Variants in CACNA2D3 observed in about 807,000 individuals in gnomAD.
The protein encoded by CACNA2D3 is voltage-dependent calcium channel subunit alpha-2/delta-3.
A neutral mutation model predicts 160.6 loss-of-function variants in CACNA2D3; 60 were observed. The ratio of observed to expected loss-of-function variants is 0.37; its 90% CI spans 0.30 to 0.46. The LOEUF is 0.46. Ranked by LOEUF, CACNA2D3 falls within the 20% of genes least tolerant of loss-of-function variation. CACNA2D3 has a pLI of 1.00. For missense variants in CACNA2D3, 1,205 were observed against 1,365.0 expected (o/e 0.88, Z 1.85); for synonymous variants, 558 against 492.9 (o/e 1.13, Z -1.75).
intron 8 of CACNA2D3, among the ~76,000 whole-genome samples, chr3:54,579,792 T>C (rs1702644286): frequency 2.0e-5 from 3 of 152,242 alleles, no homozygotes; most frequent in African/African-American, 7.2e-5. Flanking sequence ...TCTTGGATCC[T>C]GAGCTGATGT....
chr3:54,917,615 A>G (rs142879607), intron 27 of CACNA2D3, among the ~76,000 whole-genome samples: 21 of 152,372 alleles, frequency 1.4e-4, no homozygotes, highest in African/African-American at 4.6e-4. Context: ...AAAAGTCATT[A>G]TCTCGCTCTC....
intron 35 of CACNA2D3, among the ~76,000 whole-genome samples, chr3:55,035,490 T>C (rs1703792767): frequency 6.6e-6 from 1 of 152,204 alleles, no homozygotes; most frequent in Admixed American, 6.5e-5. Flanking sequence ...CAGGATAAAG[T>C]GCTCAGGATG....
chr3:54,358,915 C>T (rs986981174), intron 3 of CACNA2D3, among the ~76,000 whole-genome samples: 1 of 152,094 alleles, frequency 6.6e-6, no homozygotes, highest in African/African-American at 2.4e-5. Context: ...TTTCCTCCCA[C>T]CTTCCTTTAC....
chr3:54,946,577 G>A (rs1288289622), intron 27 of CACNA2D3, among the ~76,000 whole-genome samples: 1 of 152,164 alleles, frequency 6.6e-6, no homozygotes, highest in Non-Finnish European at 1.5e-5. Flanking sequence ...TAACGAAGAA[G>A]AGCAGGTTAC....
chr3:54,706,884 C>G lies in CACNA2D3; in HGVS notation c.1168-45715C>G, dbSNP rs146234268. 2.1e-3 allele frequency among the ~76,000 whole-genome samples: 327 copies of G among 152,314 alleles called. 3 individuals are homozygous for G. Among genetic ancestry groups the G allele is most frequent in the Middle Eastern group, 6.8e-3 (2 of 294 alleles). On this transcript the variant is annotated intron_variant, in intron 11 of 37. Coordinates refer to ENST00000474759, the MANE Select transcript of CACNA2D3 (RefSeq NM_018398.3). ...TGTCATGATATGGTTGGGAAACTTT[C>G]CATCAGCTACTGTGAGATCCATCAC...
intron 2 of CACNA2D3, among the ~76,000 whole-genome samples, chr3:54,219,197 G>A (rs1701520922): frequency 6.6e-6 from 1 of 152,162 alleles, no homozygotes; most frequent in Non-Finnish European, 1.5e-5. Flanking sequence ...AGCTGATTGT[G>A]CTTATCTTTT....
chr3:55,012,182 G>A (rs1703224956), intron 34 of CACNA2D3, among the ~76,000 whole-genome samples: 1 of 152,144 alleles, frequency 6.6e-6, no homozygotes, highest in Non-Finnish European at 1.5e-5. Context: ...GGTTCCATTT[G>A]TCAACAGAGG....
intron 10 of CACNA2D3, among the ~76,000 whole-genome samples, chr3:54,636,044 G>C (rs1244738900): frequency 6.6e-6 from 1 of 151,908 alleles, no homozygotes; most frequent in Non-Finnish European, 1.5e-5. Context: ...TGATGTGTAG[G>C]GAAGGGAGGG....
chr3:55,061,702 T>G (rs1379540844), intron 35 of CACNA2D3, among the ~76,000 whole-genome samples: 1 of 152,184 alleles, frequency 6.6e-6, no homozygotes, highest in Non-Finnish European at 1.5e-5. Flanking sequence ...TTTGTTTTCA[T>G]ATGTTTGGAG....
chr3:54,503,976 C>T (rs1044607743), intron 5 of CACNA2D3, among the ~76,000 whole-genome samples: 2 of 152,212 alleles, frequency 1.3e-5, no homozygotes, highest in Non-Finnish European at 2.9e-5. Context: ...CAACTACTCA[C>T]TTCTGCTGTT....
intron 3 of CACNA2D3, among the ~76,000 whole-genome samples, chr3:54,371,388 A>G (rs995155326): frequency 1.6e-4 from 24 of 152,216 alleles, no homozygotes; most frequent in African/African-American, 5.1e-4. Flanking sequence ...GAAAACTGCT[A>G]TATTAACTCA....
In CACNA2D3 at chr3:54,984,587, GTTTTT is replaced by G. The variant is rs200547291; in HGVS notation, c.2557-15_2557-11del. The G allele has an allele frequency of 1.1e-5, 15 of 1,337,424 alleles. No homozygotes were observed. Among genetic ancestry groups the G allele is most frequent in the Admixed American group, 4.5e-5 (2 of 44,376 alleles). 82.8% of individuals were successfully genotyped at this position (1,337,424 alleles called of 1,614,324 possible). A position where few individuals can be genotyped will look rare whatever the true frequency, so the allele number is the denominator to read the frequency against. On this transcript the variant is annotated splice_polypyrimidine_tract_variant and intron_variant, in intron 29 of 37. Coordinates refer to ENST00000474759, the MANE Select transcript of CACNA2D3 (RefSeq NM_018398.3). ...AAGTTGAAGCTGTTTTTTTGTTTTT[GTTTTT>G]TTTTTAATTTTCTAGACTGTGAATT...
rs529440219 is a variant in CACNA2D3, at chr3:54,435,215, C to G, written c.381+48441C>G. On this transcript the variant is annotated intron_variant, in intron 4 of 37. Transcript: ENST00000474759. ...ACCAGTCAGCACTCCACTCCCCTGC[C>G]CTTTGGGGTCAGTAACTCAGAATGG... Among the ~76,000 whole-genome samples, 4 of 152,230 alleles carry G rather than the reference C, an allele frequency of 2.6e-5. No homozygotes were observed. In the South Asian group the frequency reaches 8.3e-4, roughly 32 times the overall value.
intron 27 of CACNA2D3, chr3:54,924,653 A>G: frequency 4.3e-6 from 7 of 1,614,124 alleles, no homozygotes; most frequent in Non-Finnish European, 5.9e-6. Flanking sequence ...AGAGTTTAAG[A>G]CCGAGCAAGT....
In CACNA2D3 at chr3:54,736,087, GTGTA is replaced by G. The variant is rs1559563723; in HGVS notation, c.1168-16510_1168-16507del. On this transcript the variant is annotated intron_variant, in intron 11 of 37. Coordinates refer to ENST00000474759, the MANE Select transcript of CACNA2D3 (RefSeq NM_018398.3). The stretch of plus-strand genomic sequence containing the variant: ...TATATATATATACATATATATGTAT[GTGTA>G]TATATATACATATATATGTATATAT... Among the ~76,000 whole-genome samples, 66 of 20,186 alleles carry G rather than the reference GTGTA, an allele frequency of 3.3e-3. 5 individuals carry two copies. Among genetic ancestry groups the G allele is most frequent in the Admixed American group, 0.01 (20 of 1,954 alleles). 13.2% of individuals were successfully genotyped at this position (20,186 alleles called of 152,430 possible). A position where few individuals can be genotyped will look rare whatever the true frequency, so the allele number is the denominator to read the frequency against.
intron 11 of CACNA2D3, among the ~76,000 whole-genome samples, chr3:54,685,477 G>C (rs1183756714): frequency 6.6e-6 from 1 of 152,224 alleles, no homozygotes; most frequent in Non-Finnish European, 1.5e-5. Flanking sequence ...AATCCCTGGA[G>C]TGAATCAGTC....
intron 3 of CACNA2D3, among the ~76,000 whole-genome samples, chr3:54,355,695 C>G (rs1698636307): frequency 6.6e-6 from 1 of 152,122 alleles, no homozygotes; most frequent in Non-Finnish European, 1.5e-5. Flanking sequence ...GCCGTTGGAT[C>G]TGTGAGGCCT....
chr3:54,746,874 C>T (rs1416945756), intron 11 of CACNA2D3, among the ~76,000 whole-genome samples: 1 of 152,134 alleles, frequency 6.6e-6, no homozygotes, highest in Non-Finnish European at 1.5e-5. Context: ...CAGATCTGCC[C>T]TTTCTTGGGG....
intron 2 of CACNA2D3, among the ~76,000 whole-genome samples, chr3:54,130,040 TCTGAGGA>T (rs1317927446): frequency 1.3e-5 from 2 of 152,218 alleles, no homozygotes; most frequent in Non-Finnish European, 2.9e-5. Context: ...GGCAGTTGAA[TCTGAGGA>T]CTTGCTGAGA....
Sources: gnomAD v4.1 joint callset for allele counts (sites outside exome capture counted in the v4.1 genomes callset) on GRCh38, gnomAD v4.1.1 for gene constraint, MANE v1.5 for transcripts, NCBI Gene and HGNC (gene_info 2026-07-23, HGNC 2026-07-21) for gene names.